Variants in PHF24 observed in about 807,000 individuals in gnomAD.
PHF24 encodes the protein PHD finger protein 24.
In PHF24, 25 loss-of-function variants were observed where a neutral mutation model predicts 42.6. The ratio of observed to expected loss-of-function variants is 0.59; its 90% CI spans 0.43 to 0.82. PHF24 has a LOEUF of 0.82. Among genes scored for constraint, PHF24 ranks in the 40% least tolerant of loss-of-function variants. The pLI, the probability that PHF24 is intolerant of heterozygous loss-of-function variation, is 0.00. For synonymous variants in PHF24, 185 were observed against 204.8 expected (o/e 0.90, Z 0.83); for missense variants, 470 against 538.1 (o/e 0.87, Z 1.25).
chr9:34,721,161 C>T, the PHF24 span, among the ~76,000 whole-genome samples: 4 of 152,268 alleles, frequency 2.6e-5, no homozygotes, highest in South Asian at 8.3e-4. Context: ...GGGACTTGCT[C>T]CCATTCCTTC....
chr9:34,849,148 G>T, the PHF24 span, among the ~76,000 whole-genome samples: 1 of 152,060 alleles, frequency 6.6e-6, no homozygotes, highest in East Asian at 1.9e-4. Context: ...TCAATTCCTG[G>T]GTATCCTTGT....
the PHF24 span, among the ~76,000 whole-genome samples, chr9:34,905,737 CTG>C: frequency 6.6e-6 from 1 of 152,096 alleles, no homozygotes; most frequent in Admixed American, 6.5e-5. Flanking sequence ...GCTGGTGTCT[CTG>C]TGTAATGATA....
the PHF24 span, among the ~76,000 whole-genome samples, chr9:34,811,237 G>A: frequency 6.6e-6 from 1 of 152,178 alleles, no homozygotes; most frequent in Non-Finnish European, 1.5e-5. Context: ...AGAGGAAGAA[G>A]CAAGAATGTA....
At chr9:34,901,985 G>A in the PHF24 span, among the ~76,000 whole-genome samples, 1 of 152,124 alleles carries the variant, frequency 6.6e-6, no homozygotes, top group African/African-American at 2.4e-5. Flanking sequence ...TGGGTGACAG[G>A]TACATGGAGG....
the PHF24 span, among the ~76,000 whole-genome samples, chr9:34,868,373 C>T: frequency 6.6e-6 from 1 of 152,212 alleles, no homozygotes; most frequent in East Asian, 1.9e-4. Flanking sequence ...TGAGAACTAT[C>T]TCGATTCGTT....
chr9:34,977,166 C>T, exon 6 of PHF24: 1 of 1,613,950 alleles, frequency 6.2e-7, no homozygotes, highest in Non-Finnish European at 8.5e-7. Flanking sequence ...GGAGCACCGT[C>T]AGTGAGGCAG....
chr9:34,786,175 G>A, the PHF24 span, among the ~76,000 whole-genome samples: 2 of 152,172 alleles, frequency 1.3e-5, no homozygotes, highest in African/African-American at 4.8e-5. Context: ...TTTGAGCAGA[G>A]GATTGAAGCA....
the PHF24 span, among the ~76,000 whole-genome samples, chr9:34,791,929 G>A: frequency 1.3e-5 from 2 of 152,196 alleles, no homozygotes; most frequent in Admixed American, 1.3e-4. Context: ...ATAGTTAAGA[G>A]TTTTGCTCTT....
the PHF24 span, among the ~76,000 whole-genome samples, chr9:34,779,611 C>A: frequency 6.6e-6 from 1 of 152,178 alleles, no homozygotes; most frequent in Non-Finnish European, 1.5e-5. Flanking sequence ...AATTTCAATA[C>A]TTACTACAAT....
the PHF24 span, among the ~76,000 whole-genome samples, chr9:34,808,720 G>C: frequency 6.6e-6 from 1 of 152,020 alleles, no homozygotes; most frequent in Admixed American, 6.5e-5. Flanking sequence ...GAAGAGCCAA[G>C]AGAGTAACTG....
At chr9:34,980,673 C>T (rs555131015) in exon 8 of PHF24, 1 of 152,370 alleles carries the variant, frequency 6.6e-6, no homozygotes, top group East Asian at 1.9e-4. Context: ...GTTCAGAAAC[C>T]CAGTGAAGCC....
At chr9:34,971,673 G>C in exon 2 of PHF24, 4 of 1,606,718 alleles carry the variant, frequency 2.5e-6, no homozygotes, top group Non-Finnish European at 3.4e-6. Context: ...AGCCCAGAGA[G>C]CCTGTGAGTA....
At chr9:34,677,144 G>A in the PHF24 span, among the ~76,000 whole-genome samples, 1 of 152,178 alleles carries the variant, frequency 6.6e-6, no homozygotes, top group Non-Finnish European at 1.5e-5. Context: ...CCCTCCAGGG[G>A]CTCAGGCCTG....
the PHF24 span, among the ~76,000 whole-genome samples, chr9:34,676,170 T>C: frequency 2.6e-5 from 4 of 152,166 alleles, no homozygotes; most frequent in Admixed American, 1.3e-4. Flanking sequence ...GAGGCTGAAG[T>C]CAGGGCTGGG....
chr9:34,904,963 C>CA, the PHF24 span, among the ~76,000 whole-genome samples: 1 of 151,660 alleles, frequency 6.6e-6, no homozygotes, highest in Non-Finnish European at 1.5e-5. Context: ...CTAGAACTTG[C>CA]AATGTAAATA....
At chr9:34,770,436 A>C in the PHF24 span, among the ~76,000 whole-genome samples, 3 of 152,184 alleles carry the variant, frequency 2.0e-5, no homozygotes, top group Non-Finnish European at 4.4e-5. Flanking sequence ...AAATAGTACA[A>C]TTCCTGTGGA....
the PHF24 span, among the ~76,000 whole-genome samples, chr9:34,845,363 T>C: frequency 6.6e-6 from 1 of 152,188 alleles, no homozygotes; most frequent in Admixed American, 6.5e-5. Context: ...ACTACCATTT[T>C]GCTAATTGTT....
At chr9:34,828,836 A>G in the PHF24 span, among the ~76,000 whole-genome samples, 1 of 152,036 alleles carries the variant, frequency 6.6e-6, no homozygotes, top group African/African-American at 2.4e-5. Context: ...AGTTAACTTT[A>G]GAGTGTCCTA....
At chr9:34,893,219 C>T in the PHF24 span, 221,027 of 456,152 alleles carry the variant, frequency 0.48, 55,886 homozygotes, top group Non-Finnish European at 0.54. Context: ...AAGTGTGGGC[C>T]GGGGTTGGCA....
Sources: gnomAD v4.1 joint callset for allele counts (sites outside exome capture counted in the v4.1 genomes callset) on GRCh38, gnomAD v4.1.1 for gene constraint, MANE v1.5 for transcripts, NCBI Gene and HGNC (gene_info 2026-07-23, HGNC 2026-07-21) for gene names.